The following DPF2 variants were observed in gnomAD, a reference collection of about 807,000 sequenced individuals.
The protein encoded by DPF2 is zinc finger protein ubi-d4.
In DPF2, 10 loss-of-function variants were observed where a neutral mutation model predicts 59.6. The ratio of observed to expected loss-of-function variants is 0.17; its 90% CI spans 0.10 to 0.28. The LOEUF (loss-of-function observed/expected upper bound fraction) is 0.28. Among genes scored for constraint, DPF2 ranks in the 10% least tolerant of loss-of-function variants. The pLI is 1.00. For missense variants in DPF2, 315 were observed against 509.4 expected, an observed-to-expected ratio of 0.62 and a Z score of 3.67; for synonymous variants, 189 against 190.6, an observed-to-expected ratio of 0.99 and a Z score of 0.07.
chr11:65,351,869 C>T lies in DPF2; in HGVS notation c.*110C>T, dbSNP rs976656328. 17 of 1,301,000 alleles carry T rather than the reference C, an allele frequency of 1.3e-5. No homozygotes were observed. The highest frequency in any genetic ancestry group is 1.8e-5 in the Non-Finnish European group (17 of 930,304). The allele number at this position is 1,301,000 out of a possible 1,614,324, so 80.6% of individuals were successfully genotyped here. A position where few individuals can be genotyped will look rare whatever the true frequency, so the allele number is the denominator to read the frequency against. On this transcript the variant is annotated 3_prime_UTR_variant, in exon 11 of 11. Coordinates refer to ENST00000528416, the MANE Select transcript of DPF2 (RefSeq NM_006268.5). Reference sequence around the variant, plus strand: ...TCCTCTCCTTCACAAATCCAGAGAACCTTGGGGTGGTTGTGCCAGCCTGCC... The same window carrying T: ...TCCTCTCCTTCACAAATCCAGAGAATCTTGGGGTGGTTGTGCCAGCCTGCC...
In DPF2 at chr11:65,340,550, G is replaced by A. The variant is rs1854333950; in HGVS notation, c.193+5G>A. On this transcript the variant is annotated splice_donor_5th_base_variant and intron_variant, in intron 2 of 10. Transcript: ENST00000528416. ...AAAAGCGACACCGGGGTCCAGGTGAGGGTCCAGACTTGGGAGAAGGGGACT... is the reference window on the plus strand; with the variant it reads ...AAAAGCGACACCGGGGTCCAGGTGAAGGTCCAGACTTGGGAGAAGGGGACT... 7 of 1,613,962 alleles carry A rather than the reference G, an allele frequency of 4.3e-6. No homozygotes were observed. The African/African-American group carries it at 9.3e-5, about 22-fold the overall frequency.
At chr11:65,337,031 G>A (rs1854175988) in intron 1 of DPF2, among the ~76,000 whole-genome samples, 1 of 152,124 alleles carries the variant, frequency 6.6e-6, no homozygotes, top group Non-Finnish European at 1.5e-5. Context: ...TCACACCACT[G>A]CACTCCAGCC....
At position 65,346,641 on chromosome 11, in the gene DPF2, G is replaced by C. The variant is rs1043098689; in HGVS notation, c.1017+282G>C. The C allele has an allele frequency of 2.3e-5, 8 of 342,314 alleles. No individual in the cohort carries two copies. In the Admixed American group the frequency reaches 3.2e-4, roughly 14 times the overall value. The allele number at this position is 342,314 out of a possible 1,614,324, so 21.2% of individuals were successfully genotyped here. ...TCTTACAGGAACAACAATAAGCAAG[G>C]ATGTAAATGAGATTTGTATAATGTG... is the stretch of plus-strand genomic sequence containing the variant. On this transcript the variant is annotated intron_variant, in intron 9 of 10. Transcript: ENST00000528416.
Position 65,353,869 on chromosome 11 carries a change from A to G in DPF2, c.*2110A>G, listed in dbSNP as rs1030485021. On this transcript the variant is annotated 3_prime_UTR_variant, in exon 11 of 11. Coordinates refer to ENST00000528416, the MANE Select transcript of DPF2 (RefSeq NM_006268.5). Reference sequence around the variant, plus strand: ...TCATGCTTTTCCACTGAAGTAGGCCAGGCAGAGAGGGAGTACAGCAATGGA... The same window carrying G: ...TCATGCTTTTCCACTGAAGTAGGCCGGGCAGAGAGGGAGTACAGCAATGGA... 6.6e-6 allele frequency among the ~76,000 whole-genome samples: 1 copy of G among 152,226 alleles called. No individual in the cohort carries two copies. Among genetic ancestry groups the G allele is most frequent in the African/African-American group, 2.4e-5 (1 of 41,450 alleles).
At position 65,351,825 on chromosome 11, in the gene DPF2, C is replaced by T; in HGVS notation, c.*66C>T. 1 of 1,518,352 alleles carries T rather than the reference C, an allele frequency of 6.6e-7. No individual in the cohort carries two copies. Among genetic ancestry groups the T allele is most frequent in the Non-Finnish European group, 9.1e-7 (1 of 1,096,198 alleles). The allele number at this position is 1,518,352 out of a possible 1,614,324, so 94.1% of individuals were successfully genotyped here. ...TCTCTCCTCCACTTCATATTTCATA[C>T]CCATCTTTCCCTTCTTCCTCCTCTC... On this transcript the variant is annotated 3_prime_UTR_variant, in exon 11 of 11. Transcript: ENST00000528416.
intron 9 of DPF2, 182 bp downstream of exon 9, chr11:65,346,541 AT>A: frequency 1.7e-6 from 1 of 582,024 alleles, no homozygotes; most frequent in Non-Finnish European, 3.0e-6. Context: ...TTGAGTGCTG[AT>A]TTTATGTCAG....
intron 1 of DPF2, 140 bp downstream of exon 1, chr11:65,334,058 C>A: frequency 8.1e-7 from 1 of 1,232,844 alleles, no homozygotes; most frequent in Non-Finnish European, 1.1e-6. Flanking sequence ...GGGAGGGCAA[C>A]AGGAGACTCC....
In DPF2 at chr11:65,352,808, CTGACAT is replaced by C. The variant is rs1854756442; in HGVS notation, c.*1051_*1056del. On this transcript the variant is annotated 3_prime_UTR_variant, in exon 11 of 11. Transcript: ENST00000528416. The stretch of plus-strand genomic sequence containing the variant: ...TCCTCAAGTTTTCTGCTTAGTGGCA[CTGACAT>C]TAAGTAGTGGGGGGACAGTCCATGC... 1 of 152,604 alleles carries C rather than the reference CTGACAT, an allele frequency of 6.6e-6. No individual in the cohort carries two copies. The highest frequency in any genetic ancestry group is 2.4e-5 in the African/African-American group (1 of 41,440). The allele number at this position is 152,604 out of a possible 1,614,324, so 9.5% of individuals were successfully genotyped here. A position where few individuals can be genotyped will look rare whatever the true frequency, so the allele number is the denominator to read the frequency against.
In DPF2 at chr11:65,343,833, C is replaced by A; in HGVS notation, c.554C>A (p.Ser185Tyr). The change falls in exon 5 of 11, where the codon TCC becomes TAC. Residue 185 changes from serine (S) to tyrosine (Y), a missense_variant. This residue lies in a region of DPF2 where 228 missense variants were observed against 275.3 expected (regional missense o/e 0.83). Coordinates refer to ENST00000528416, the MANE Select transcript of DPF2 (RefSeq NM_006268.5). ...DTPKRRGKGKSKGKGVGSARK... is the reference protein window; with the variant it reads ...DTPKRRGKGKYKGKGVGSARK... Reference sequence around the variant, plus strand: ...CCCAAGCGTCGGGGAAAGGGGAAATCCAAGGTGAGGGGCCAGCGTGCTGCC... The same window carrying A: ...CCCAAGCGTCGGGGAAAGGGGAAATACAAGGTGAGGGGCCAGCGTGCTGCC... The A allele has an allele frequency of 6.3e-7, 1 of 1,584,486 alleles. No homozygotes were observed.
intron 9 of DPF2, chr11:65,347,675 G>C (rs897750258): frequency 6.6e-6 from 1 of 151,272 alleles, no homozygotes; most frequent in African/African-American, 2.4e-5. Flanking sequence ...TTTATTTCAA[G>C]ATGGAGTTTT....
Position 65,349,023 on chromosome 11 carries a change from ATTC to A in DPF2, c.1099+96_1099+98del. 4 of 1,434,094 alleles carry A rather than the reference ATTC, an allele frequency of 2.8e-6. No individual in the cohort carries two copies. The South Asian group carries it at 3.6e-5, about 13-fold the overall frequency. 88.8% of individuals were successfully genotyped at this position (1,434,094 alleles called of 1,614,324 possible). On this transcript the variant is annotated intron_variant, in intron 10 of 10. Transcript: ENST00000528416. The stretch of plus-strand genomic sequence containing the variant: ...ATGTTCTTTATGTTATCACTTACAT[ATTC>A]TTCCAAATTAGGGAGTAAAGCACCT...
At chr11:65,346,595 C>T in intron 9 of DPF2, 1 of 460,520 alleles carries the variant, frequency 2.2e-6, no homozygotes, top group Non-Finnish European at 3.9e-6. Flanking sequence ...AAACAAGGTC[C>T]CTGCCTCATG....
intron 4 of DPF2, 26 bp downstream of exon 4, chr11:65,341,588 G>A: frequency 6.2e-7 from 1 of 1,610,194 alleles, no homozygotes; most frequent in Non-Finnish European, 8.5e-7. Flanking sequence ...TGTGGCTAAG[G>A]GAGCTTTGAT....
rs1854715838 is a variant in DPF2, at chr11:65,352,100, C to A, written c.*341C>A. ...TGTCCTCCTAGAAAGAGTGGGAGAG[C>A]AGCTCACTTCTCTGTGTTCTGCCTC... is the stretch of plus-strand genomic sequence containing the variant. On this transcript the variant is annotated 3_prime_UTR_variant, in exon 11 of 11. Coordinates refer to ENST00000528416, the MANE Select transcript of DPF2 (RefSeq NM_006268.5). 6.9e-6 allele frequency: 2 copies of A among 288,168 alleles called. No homozygotes were observed. The highest frequency in any genetic ancestry group is 1.3e-5 in the Non-Finnish European group (2 of 150,344). The allele number at this position is 288,168 out of a possible 1,614,324, so 17.9% of individuals were successfully genotyped here.
intron 1 of DPF2, among the ~76,000 whole-genome samples, chr11:65,338,760 AAGTTATGC>A (rs1854281900): frequency 6.6e-6 from 1 of 152,106 alleles, no homozygotes; most frequent in South Asian, 2.1e-4. Context: ...GGCACATGCT[AAGTTATGC>A]AGTGGTCTAT....
intron 9 of DPF2, 70 bp from the exon 10 acceptor site, chr11:65,348,780 C>G (rs1165557901): frequency 4.8e-5 from 71 of 1,494,650 alleles, no homozygotes; most frequent in South Asian, 1.0e-4. Flanking sequence ...TTGGAAATAG[C>G]AGTGTCCTGT....
intron 4 of DPF2, 25 bp from the exon 5 acceptor site, chr11:65,343,720 C>T (rs765573681): frequency 6.4e-7 from 1 of 1,570,878 alleles, no homozygotes; most frequent in Non-Finnish European, 8.6e-7. Context: ...TATTTCTACC[C>T]ATGCTAACCC....
At chr11:65,334,053 G>C in intron 1 of DPF2, 135 bp downstream of exon 1, 1 of 1,259,786 alleles carries the variant, frequency 7.9e-7, no homozygotes, top group African/African-American at 1.5e-5. Flanking sequence ...TGGTGGGGAG[G>C]GCAACAGGAG....
At chr11:65,337,504 T>TAAAGAGAGAG (rs1282367012) in intron 1 of DPF2, among the ~76,000 whole-genome samples, 1 of 21,398 alleles carries the variant, frequency 4.7e-5, no homozygotes, top group Non-Finnish European at 8.1e-5. Flanking sequence ...TATATATATA[T>TAAAGAGAGAG]AGAGAGAGAG....
Sources: gnomAD v4.1 joint callset for allele counts (sites outside exome capture counted in the v4.1 genomes callset) on GRCh38, gnomAD v4.1.1 for gene constraint, gnomAD v4.1.1 regional missense constraint, MANE v1.5 for transcripts, NCBI Gene and HGNC (gene_info 2026-07-23, HGNC 2026-07-21) for gene names.